RALYL: variants seen among roughly 807,000 people sequenced by gnomAD.
The protein encoded by RALYL is RALY RNA binding protein like, also known as RNA-binding Raly-like protein.
A neutral mutation model predicts 35.1 loss-of-function variants in RALYL; 29 were observed. The observed-to-expected ratio is 0.83, with a 90% CI of 0.61 to 1.13. The LOEUF is 1.13. Ranked by LOEUF, RALYL falls within the 50% of genes most tolerant of loss-of-function variation. The probability of loss-of-function intolerance (pLI) is 0.00; values close to 1 mark genes in which losing one functional copy is unlikely to be tolerated. For synonymous variants in RALYL, 120 were observed against 127.6 expected (o/e 0.94, Z 0.40); for missense variants, 359 against 360.4 (o/e 1.00, Z 0.03).
Position 84,823,882 on chromosome 8 carries a change from CT to C in RALYL, c.365+19081del, listed in dbSNP as rs1410975620. On this transcript the variant is annotated intron_variant, in intron 4 of 8. Transcript: ENST00000521268. Reference sequence around the variant, plus strand: ...AATACCTCAAAATATTAAGAGGCATCTGTGACAAACCCACTGCCAACATCAT... The same window carrying C: ...AATACCTCAAAATATTAAGAGGCATCGTGACAAACCCACTGCCAACATCAT... Among the ~76,000 whole-genome samples the C allele has an allele frequency of 2.0e-4, 30 of 152,034 alleles. 1 individual carries two copies. The highest frequency in any genetic ancestry group is 1.4e-3 in the Admixed American group (21 of 15,244).
chr8:84,644,241 C>T (rs552169355), intron 2 of RALYL, among the ~76,000 whole-genome samples: 2 of 151,962 alleles, frequency 1.3e-5, no homozygotes, highest in Non-Finnish European at 2.9e-5. Flanking sequence ...TTTTAAAATG[C>T]ACTTTTAGGC....
intron 4 of RALYL, among the ~76,000 whole-genome samples, chr8:84,820,444 G>C (rs1054428086): frequency 1.3e-5 from 2 of 152,104 alleles, no homozygotes; most frequent in Admixed American, 1.3e-4. Context: ...AACAAACAAA[G>C]CTTTGGGAGG....
At chr8:84,246,728 C>T (rs906667988) in intron 1 of RALYL, among the ~76,000 whole-genome samples, 3 of 152,008 alleles carry the variant, frequency 2.0e-5, no homozygotes, top group South Asian at 2.1e-4. Flanking sequence ...GAGGGCTGAC[C>T]CTCCAGGAGG....
At chr8:84,700,502 A>G (rs1045829139) in intron 2 of RALYL, among the ~76,000 whole-genome samples, 1 of 152,168 alleles carries the variant, frequency 6.6e-6, no homozygotes, top group Non-Finnish European at 1.5e-5. Flanking sequence ...TTGTTTGCTT[A>G]TTTCACTTTT....
intron 7 of RALYL, among the ~76,000 whole-genome samples, chr8:84,884,334 AGATC>A (rs1276372650): frequency 6.6e-6 from 1 of 152,058 alleles, no homozygotes; most frequent in African/African-American, 2.4e-5. Flanking sequence ...TCAGCTGGGA[AGATC>A]AGGAAAGTCA....
intron 1 of RALYL, among the ~76,000 whole-genome samples, chr8:84,322,477 T>A (rs1465011006): frequency 6.6e-6 from 1 of 152,134 alleles, no homozygotes; most frequent in Non-Finnish European, 1.5e-5. Context: ...ATGACTTGAT[T>A]TAATCATCTT....
chr8:84,817,624 C>G (rs572822699), intron 4 of RALYL, among the ~76,000 whole-genome samples: 1 of 151,828 alleles, frequency 6.6e-6, no homozygotes, highest in Non-Finnish European at 1.5e-5. Flanking sequence ...GGTGCAATCA[C>G]AGTCACTGCA....
intron 2 of RALYL, among the ~76,000 whole-genome samples, chr8:84,564,726 T>G (rs1412486439): frequency 6.6e-6 from 1 of 151,630 alleles, no homozygotes; most frequent in Non-Finnish European, 1.5e-5. Context: ...AATAAAAGCT[T>G]TCCTAGGTCC....
chr8:84,470,951 T>TG (rs1445661028), intron 1 of RALYL, among the ~76,000 whole-genome samples: 4 of 152,194 alleles, frequency 2.6e-5, no homozygotes, highest in African/African-American at 9.6e-5. Flanking sequence ...CATGTTACTA[T>TG]GGGTTAGCCT....
chr8:84,293,949 A>G (rs1174225085), intron 1 of RALYL, among the ~76,000 whole-genome samples: 2 of 152,250 alleles, frequency 1.3e-5, no homozygotes, highest in East Asian at 3.9e-4. Context: ...TTGTGATACC[A>G]AAACAACCTG....
intron 1 of RALYL, among the ~76,000 whole-genome samples, chr8:84,311,090 A>AAAAAAAAAAATAT (rs1554614840): frequency 2.7e-4 from 27 of 99,770 alleles, no homozygotes; most frequent in Admixed American, 3.7e-4. Flanking sequence ...AAAAAAAAAA[A>AAAAAAAAAAATAT]ATGTATATTA....
intron 1 of RALYL, among the ~76,000 whole-genome samples, chr8:84,438,629 T>G (rs1236344243): frequency 6.6e-6 from 1 of 152,106 alleles, no homozygotes; most frequent in Non-Finnish European, 1.5e-5. Flanking sequence ...TGAGCTCAAG[T>G]GATTCGCCCA....
intron 1 of RALYL, among the ~76,000 whole-genome samples, chr8:84,257,372 T>C (rs905973438): frequency 1.1e-4 from 16 of 152,104 alleles, no homozygotes; most frequent in Non-Finnish European, 2.4e-4. Context: ...TTATGCAGGA[T>C]TTCATTGTTT....
chr8:84,679,941 G>C, intron 2 of RALYL: 1 of 271,926 alleles, frequency 3.7e-6, no homozygotes, highest in African/African-American at 2.2e-5. Flanking sequence ...ATGTTGGTGT[G>C]CTGCACCCAT....
intron 3 of RALYL, among the ~76,000 whole-genome samples, chr8:84,795,151 C>A (rs1452266990): frequency 6.6e-6 from 1 of 152,176 alleles, no homozygotes; most frequent in African/African-American, 2.4e-5. Flanking sequence ...CATTTTACTC[C>A]AGAGAAATTG....
At chr8:84,507,537 C>G (rs546423099) in intron 1 of RALYL, among the ~76,000 whole-genome samples, 1 of 152,066 alleles carries the variant, frequency 6.6e-6, no homozygotes. Context: ...TACCTAAGTA[C>G]GAAGTATATT....
At chr8:84,708,529 C>A (rs1350512931) in intron 2 of RALYL, among the ~76,000 whole-genome samples, 5 of 152,040 alleles carry the variant, frequency 3.3e-5, no homozygotes, top group Non-Finnish European at 5.9e-5. Flanking sequence ...ATATCAGATG[C>A]TGATATTGCC....
chr8:84,770,978 T>C (rs1193862056), intron 2 of RALYL, among the ~76,000 whole-genome samples: 2 of 152,190 alleles, frequency 1.3e-5, no homozygotes, highest in Non-Finnish European at 2.9e-5. Context: ...ATTGTGAAGA[T>C]TTTCTCCCAC....
intron 3 of RALYL, among the ~76,000 whole-genome samples, chr8:84,789,907 A>G (rs1019210054): frequency 2.0e-5 from 3 of 152,226 alleles, no homozygotes; most frequent in Non-Finnish European, 2.9e-5. Flanking sequence ...AAGTTGCAAT[A>G]TTTGGCATTA....
Sources: allele counts gnomAD v4.1 joint callset (sites outside exome capture counted in the v4.1 genomes callset), GRCh38; gene constraint gnomAD v4.1.1; transcripts MANE v1.5; gene names NCBI Gene and HGNC (gene_info 2026-07-23, HGNC 2026-07-21).